ASIC2: variants seen among roughly 807,000 people sequenced by gnomAD.
The protein encoded by ASIC2 is acid-sensing ion channel 2.
A neutral mutation model predicts 57.3 loss-of-function variants in ASIC2; 25 were observed. The observed-to-expected ratio is 0.44, with a 90% CI of 0.32 to 0.61. The LOEUF is 0.61. ASIC2 is among the 20% of genes least tolerant of loss of function. The probability of loss-of-function intolerance (pLI) is 0.06; values close to 1 mark genes in which losing one functional copy is unlikely to be tolerated. For missense variants in ASIC2, 641 were observed against 738.1 expected (o/e 0.87, Z 1.52); for synonymous variants, 319 against 307.5 (o/e 1.04, Z -0.39).
intron 1 of ASIC2, among the ~76,000 whole-genome samples, chr17:33,326,777 C>T (rs1387864528): frequency 6.6e-6 from 1 of 152,214 alleles, no homozygotes; most frequent in East Asian, 1.9e-4. Context: ...GCCTTGTCCC[C>T]ATTTCCAAAG....
At chr17:33,173,763 C>T (rs559327072) in intron 1 of ASIC2, among the ~76,000 whole-genome samples, 4 of 152,290 alleles carry the variant, frequency 2.6e-5, no homozygotes, top group African/African-American at 9.6e-5. Flanking sequence ...GCAGAAGAAA[C>T]AGTACCTTCC....
intron 1 of ASIC2, among the ~76,000 whole-genome samples, chr17:34,025,504 C>T (rs1907342266): frequency 6.6e-6 from 1 of 152,196 alleles, no homozygotes; most frequent in South Asian, 2.1e-4. Context: ...CCACTAAGTC[C>T]CACCTAGCAC....
intron 3 of ASIC2, among the ~76,000 whole-genome samples, chr17:33,044,261 C>T (rs71377467): frequency 0.068 from 9,426 of 138,176 alleles, 964 homozygotes; most frequent in Non-Finnish European, 0.082. Flanking sequence ...CATCCATCTA[C>T]CCATCCATCC....
chr17:33,108,389 G>A (rs540972081), intron 2 of ASIC2, among the ~76,000 whole-genome samples: 1 of 152,308 alleles, frequency 6.6e-6, no homozygotes, highest in South Asian at 2.1e-4. Flanking sequence ...TGTTAAGGAA[G>A]GGAGATGGCA....
intron 1 of ASIC2, among the ~76,000 whole-genome samples, chr17:34,081,353 C>T (rs549019992): frequency 1.3e-5 from 2 of 152,066 alleles, no homozygotes; most frequent in Non-Finnish European, 2.9e-5. Context: ...GATAGATATC[C>T]TTAGAAGTGA....
chr17:34,059,457 T>G (rs1597999308), intron 1 of ASIC2, among the ~76,000 whole-genome samples: 2 of 152,248 alleles, frequency 1.3e-5, no homozygotes, highest in East Asian at 1.9e-4. Context: ...CTAGCTGAGC[T>G]TTTTAACAAC....
chr17:33,583,930 C>A (rs868008481), intron 1 of ASIC2, among the ~76,000 whole-genome samples: 102 of 152,108 alleles, frequency 6.7e-4, no homozygotes, highest in African/African-American at 2.3e-3. Flanking sequence ...CCCAGGCAGA[C>A]ATGTTCTGGG....
In ASIC2 at chr17:33,599,870, A is replaced by G. The variant is rs150991060; in HGVS notation, c.556-487803T>C. 4.2e-3 allele frequency among the ~76,000 whole-genome samples: 638 copies of G among 152,236 alleles called. 1 individual carries two copies. Among genetic ancestry groups the G allele is most frequent in the African/African-American group, 0.015 (613 of 41,536 alleles). On this transcript the variant is annotated intron_variant, in intron 1 of 9. Coordinates refer to the ASIC2 transcript ENST00000359872. ...CTAGAAAGGATGGCTCAGACTTCCCACTACTCTCCTTTTTCTCCAGTTTCT... is the reference window on the plus strand; with the variant it reads ...CTAGAAAGGATGGCTCAGACTTCCCGCTACTCTCCTTTTTCTCCAGTTTCT...
At chr17:33,967,389 C>A (rs779961508) in intron 1 of ASIC2, among the ~76,000 whole-genome samples, 1 of 152,098 alleles carries the variant, frequency 6.6e-6, no homozygotes, top group Non-Finnish European at 1.5e-5. Flanking sequence ...GCATGCACTA[C>A]CATGCATGGC....
intron 1 of ASIC2, among the ~76,000 whole-genome samples, chr17:34,107,477 C>T (rs1305026496): frequency 6.6e-6 from 1 of 152,112 alleles, no homozygotes; most frequent in Non-Finnish European, 1.5e-5. Context: ...CCACTGTACC[C>T]CAGCATGAGT....
chr17:33,778,600 C>T (rs1209202594), intron 1 of ASIC2, among the ~76,000 whole-genome samples: 8 of 152,108 alleles, frequency 5.3e-5, no homozygotes, highest in Admixed American at 4.6e-4. Context: ...ATTTATTCTC[C>T]TCCCTCAACA....
intron 1 of ASIC2, among the ~76,000 whole-genome samples, chr17:33,334,430 A>G (rs928301277): frequency 2.0e-4 from 30 of 152,186 alleles, no homozygotes; most frequent in Non-Finnish European, 4.0e-4. Context: ...TTCTCTCTGC[A>G]GCGGCTTCAG....
intron 3 of ASIC2, among the ~76,000 whole-genome samples, chr17:33,036,395 G>A (rs59460127): frequency 0.35 from 53,605 of 151,842 alleles, 10,297 homozygotes; most frequent in Admixed American, 0.52. Context: ...GAGGGATGGA[G>A]AAACCCTCCA....
chr17:33,246,026 A>G (rs1567797304), intron 1 of ASIC2, among the ~76,000 whole-genome samples: 1 of 75,620 alleles, frequency 1.3e-5, no homozygotes, highest in Non-Finnish European at 2.6e-5. Context: ...CCCTACCTCT[A>G]CTTAAAAAAA....
intron 1 of ASIC2, chr17:34,039,189 T>G: frequency 6.2e-7 from 1 of 1,614,044 alleles, no homozygotes; most frequent in East Asian, 2.2e-5. Flanking sequence ...CCTTCTTCTC[T>G]AAGTCAGAAT....
At chr17:33,523,516 C>G (rs1458639570) in intron 1 of ASIC2, among the ~76,000 whole-genome samples, 1 of 152,134 alleles carries the variant, frequency 6.6e-6, no homozygotes, top group African/African-American at 2.4e-5. Flanking sequence ...ACCGGGACTC[C>G]CAAAGTACTG....
chr17:33,348,183 G>C (rs146117582), intron 1 of ASIC2, among the ~76,000 whole-genome samples: 1 of 152,146 alleles, frequency 6.6e-6, no homozygotes. Context: ...GACCTTCTAC[G>C]TGGATTTAGC....
intron 1 of ASIC2, among the ~76,000 whole-genome samples, chr17:33,215,618 C>A (rs1200347634): frequency 6.6e-6 from 1 of 151,932 alleles, no homozygotes; most frequent in Non-Finnish European, 1.5e-5. Context: ...AGAAATTAAA[C>A]CAGTATATTA....
intron 1 of ASIC2, among the ~76,000 whole-genome samples, chr17:33,777,942 G>C (rs1187219168): frequency 6.6e-6 from 1 of 152,116 alleles, no homozygotes; most frequent in African/African-American, 2.4e-5. Context: ...CAGCCCTGCT[G>C]ACTCTCATTT....
Sources: allele counts gnomAD v4.1 joint callset (sites outside exome capture counted in the v4.1 genomes callset), GRCh38; gene constraint gnomAD v4.1.1; transcripts MANE v1.5; gene names NCBI Gene and HGNC (gene_info 2026-07-23, HGNC 2026-07-21).